The following SH3RF1 variants were observed in gnomAD, a reference collection of about 807,000 sequenced individuals.
SH3RF1 encodes E3 ubiquitin-protein ligase SH3RF1.
A neutral mutation model predicts 74.0 loss-of-function variants in SH3RF1; 32 were observed. The ratio of observed to expected loss-of-function variants is 0.43; its 90% CI spans 0.33 to 0.58. The LOEUF (loss-of-function observed/expected upper bound fraction) is 0.58. Ranked by LOEUF, SH3RF1 falls within the 20% of genes least tolerant of loss-of-function variation. The pLI is 0.05. For synonymous variants in SH3RF1, 396 were observed against 439.6 expected, an observed-to-expected ratio of 0.90 and a Z score of 1.24; for missense variants, 954 against 1,130.9, an observed-to-expected ratio of 0.84 and a Z score of 2.24.
At chr4:169,212,653 C>T (rs1375265352) in intron 2 of SH3RF1, among the ~76,000 whole-genome samples, 1 of 152,114 alleles carries the variant, frequency 6.6e-6, no homozygotes, top group Non-Finnish European at 1.5e-5. Context: ...AATCAATATC[C>T]CTAACCAAAG....
At chr4:169,246,794 AC>A (rs1176350774) in intron 2 of SH3RF1, among the ~76,000 whole-genome samples, 3 of 152,250 alleles carry the variant, frequency 2.0e-5, no homozygotes, top group Non-Finnish European at 2.9e-5. Context: ...AAGTCATTTA[AC>A]TAGCAATTAT....
rs191495626 is a variant in SH3RF1 at position 169,101,973 on chromosome 4, T to C, written c.2498+4874A>G. ...ATCTGAATGGGCATTTACAATCTTT[T>C]ATTAGTATACATTTCCTGTTTCCTT... On this transcript the variant is annotated intron_variant, in intron 11 of 11. Transcript: ENST00000284637. Among the ~76,000 whole-genome samples the C allele has an allele frequency of 3.1e-3, 474 of 152,306 alleles. 2 individuals are homozygous for C. The highest frequency in any genetic ancestry group is 4.4e-3 in the Admixed American group (68 of 15,306).
In SH3RF1 at chr4:169,117,693, G is replaced by A. The variant is rs376131621; in HGVS notation, c.1607C>T (p.Ala536Val). The change falls in exon 9 of 12, where the codon GCA becomes GTA. Residue 536 changes from alanine to valine, a missense_variant. Physicochemically the swap from Ala to Val is moderately conservative, Grantham distance 64. Transcript: ENST00000284637. ...RGVTMVSPST[A>V]GGPAQKLQGN... ...CTGGAGCTTCTGGGCAGGCCCTCCT[G>A]CCGTGGAAGGACTGACCATGGTCAC... 2.5e-6 allele frequency: 4 copies of A among 1,614,058 alleles called. No homozygotes were observed. The Admixed American group carries it at 5.0e-5, about 20-fold the overall frequency.
At chr4:169,248,269 A>G (rs542217978) in intron 2 of SH3RF1, among the ~76,000 whole-genome samples, 1 of 152,354 alleles carries the variant, frequency 6.6e-6, no homozygotes, top group South Asian at 2.1e-4. Context: ...CCGCATAAAG[A>G]AAATGTGGCA....
chr4:169,269,382 A>G, intron 1 of SH3RF1, 75 bp from the exon 2 acceptor site: 1 of 669,738 alleles, frequency 1.5e-6, no homozygotes, highest in Non-Finnish European at 2.4e-6. Flanking sequence ...AGGAGCCAAG[A>G]ATCAAAAAGT....
chr4:169,191,220 G>T (rs1734701431), intron 2 of SH3RF1, among the ~76,000 whole-genome samples: 1 of 146,596 alleles, frequency 6.8e-6, no homozygotes, highest in Admixed American at 7.0e-5. Context: ...AATGTACGCA[G>T]ATCAGTAGCT....
chr4:169,107,326 TA>T, intron 10 of SH3RF1, 121 bp from the exon 11 acceptor site: 1 of 826,474 alleles, frequency 1.2e-6, no homozygotes, highest in Non-Finnish European at 1.8e-6. Context: ...TGTGGGTCCA[TA>T]GTAGGTATAT....
chr4:169,146,058 T>C lies in SH3RF1; in HGVS notation c.765+9422A>G, dbSNP rs867244541. Reference sequence around the variant, plus strand: ...TCTATATATTCTATATAAAATATTATATATTCTATATAAAATATTATATAT... The same window carrying C: ...TCTATATATTCTATATAAAATATTACATATTCTATATAAAATATTATATAT... On this transcript the variant is annotated intron_variant, in intron 4 of 11. Coordinates refer to ENST00000284637, the MANE Select transcript of SH3RF1 (RefSeq NM_020870.4). Among the ~76,000 whole-genome samples, 275 of 126,176 alleles carry C rather than the reference T, an allele frequency of 2.2e-3. 3 individuals carry two copies. In the Middle Eastern group the frequency reaches 0.033, roughly 15 times the overall value. 82.8% of individuals were successfully genotyped at this position (126,176 alleles called of 152,430 possible).
At chr4:169,111,511 C>T (rs1040388352) in intron 10 of SH3RF1, among the ~76,000 whole-genome samples, 3 of 151,658 alleles carry the variant, frequency 2.0e-5, no homozygotes, top group Admixed American at 1.3e-4. Context: ...GTGATCTGCC[C>T]ACCCTGGTCT....
At chr4:169,161,862 T>C (rs555610291) in intron 2 of SH3RF1, among the ~76,000 whole-genome samples, 1 of 152,026 alleles carries the variant, frequency 6.6e-6, no homozygotes, top group African/African-American at 2.4e-5. Flanking sequence ...AGTAGAAAAA[T>C]GGGTGGAAGA....
intron 2 of SH3RF1, among the ~76,000 whole-genome samples, chr4:169,267,230 A>G (rs1368789358): frequency 6.6e-6 from 1 of 152,238 alleles, no homozygotes; most frequent in Non-Finnish European, 1.5e-5. Flanking sequence ...TTATCAGTGA[A>G]CAAACATTCA....
At chr4:169,134,873 C>A (rs1733677642) in intron 5 of SH3RF1, among the ~76,000 whole-genome samples, 1 of 152,208 alleles carries the variant, frequency 6.6e-6, no homozygotes, top group Admixed American at 6.5e-5. Context: ...AAGACCCTTG[C>A]CTTCACTGCA....
At chr4:169,154,454 A>G (rs1296864114) in intron 4 of SH3RF1, among the ~76,000 whole-genome samples, 5 of 152,158 alleles carry the variant, frequency 3.3e-5, no homozygotes, top group African/African-American at 1.2e-4. Flanking sequence ...AAAGACTGCA[A>G]AATAAGTGAC....
Position 169,266,154 on chromosome 4 carries a change from T to C in SH3RF1, c.393+2666A>G, listed in dbSNP as rs1205177156. 2.6e-5 allele frequency among the ~76,000 whole-genome samples: 4 copies of C among 152,260 alleles called. No homozygotes were observed. The South Asian group carries it at 6.2e-4, about 24-fold the overall frequency. ...CAAATTAGGCAGGAAACACTAAAAT[T>C]TTGGGAACAAGATGTGCGTCACACA... is the stretch of plus-strand genomic sequence containing the variant. On this transcript the variant is annotated intron_variant, in intron 2 of 11. Coordinates refer to ENST00000284637, the MANE Select transcript of SH3RF1 (RefSeq NM_020870.4).
At chr4:169,195,092 T>C (rs1734788405) in intron 2 of SH3RF1, among the ~76,000 whole-genome samples, 1 of 152,234 alleles carries the variant, frequency 6.6e-6, no homozygotes, top group African/African-American at 2.4e-5. Flanking sequence ...AACATTTCCT[T>C]TAGCTAAAGT....
At chr4:169,156,791 C>G in intron 2 of SH3RF1, 112 bp from the exon 3 acceptor site, 1 of 958,874 alleles carries the variant, frequency 1.0e-6, no homozygotes, top group Non-Finnish European at 1.5e-6. Context: ...CACACTGTAA[C>G]CCTTGAAGAA....
chr4:169,193,160 T>C (rs1289728187), intron 2 of SH3RF1, among the ~76,000 whole-genome samples: 1 of 151,888 alleles, frequency 6.6e-6, no homozygotes, highest in East Asian at 1.9e-4. Flanking sequence ...GAGTGAGGGA[T>C]AATAGACCAC....
intron 4 of SH3RF1, among the ~76,000 whole-genome samples, chr4:169,139,702 T>C (rs28437153): frequency 0.012 from 1,806 of 152,218 alleles, 43 homozygotes; most frequent in African/African-American, 0.042. Flanking sequence ...TTGGAAAAAT[T>C]TATGCAGAAT....
At chr4:169,257,930 G>A (rs1454108184) in intron 2 of SH3RF1, among the ~76,000 whole-genome samples, 1 of 152,144 alleles carries the variant, frequency 6.6e-6, no homozygotes, top group Non-Finnish European at 1.5e-5. Flanking sequence ...GGGCTTCTAA[G>A]GGAACATTAA....
Sources: gnomAD v4.1 joint callset for allele counts (sites outside exome capture counted in the v4.1 genomes callset) on GRCh38, gnomAD v4.1.1 for gene constraint, MANE v1.5 for transcripts, NCBI Gene and HGNC (gene_info 2026-07-23, HGNC 2026-07-21) for gene names.